Variants in KDM5C observed in about 807,000 individuals in gnomAD.
KDM5C encodes lysine demethylase 5C.
Under a neutral mutation model 110.6 loss-of-function variants are expected in KDM5C, and 16 were observed. The observed-to-expected ratio is 0.14, with a 90% CI of 0.10 to 0.22. KDM5C has a LOEUF of 0.22. Ranked by LOEUF, KDM5C falls within the 10% of genes least tolerant of loss-of-function variation. The probability of loss-of-function intolerance (pLI) is 1.00; values close to 1 mark genes in which losing one functional copy is unlikely to be tolerated. For missense variants in KDM5C, 681 were observed against 1,300.9 expected, an observed-to-expected ratio of 0.52 and a Z score of 7.33; for synonymous variants, 511 against 520.4, an observed-to-expected ratio of 0.98 and a Z score of 0.24.
rs1210725648 is a variant in KDM5C, at chrX:53,197,048, C to A, written c.2623-4G>T. The A allele has an allele frequency of 1.7e-6, 2 of 1,171,351 alleles. No homozygotes were observed. The highest frequency in any genetic ancestry group is 3.5e-5 in the African/African-American group (2 of 56,429). On this transcript the variant is annotated splice_region_variant and splice_polypyrimidine_tract_variant and intron_variant, in intron 18 of 25. Coordinates refer to ENST00000375401, the MANE Select transcript of KDM5C (RefSeq NM_004187.5). ...CCTCCACCTGTTCCAGAACACCCTA[C>A]CAGGACACAGGATGAAGAACAAACT... is the stretch of plus-strand genomic sequence containing the variant.
At chrX:53,203,267 T>C (rs1421680889) in intron 12 of KDM5C, among the ~76,000 whole-genome samples, 2 of 111,771 alleles carry the variant, frequency 1.8e-5, no homozygotes, top group Admixed American at 1.9e-4. Context: ...CTCGAGCTTA[T>C]AGGATTCTTC....
intron 19 of KDM5C, 119 bp downstream of exon 19, chrX:53,196,567 T>G (rs1485322270): frequency 8.8e-6 from 5 of 570,433 alleles, no homozygotes; most frequent in Non-Finnish European, 1.5e-5. Flanking sequence ...GAGGGGAGAG[T>G]CAATACAGTA....
At position 53,192,980 on chromosome X, in the gene KDM5C, T is replaced by C; in HGVS notation, c.4670A>G (p.Gln1557Arg). 1 of 1,169,686 alleles carries C rather than the reference T, an allele frequency of 8.5e-7. No individual in the cohort carries two copies. Among genetic ancestry groups the C allele is most frequent in the Non-Finnish European group, 1.1e-6 (1 of 874,613 alleles). ...GCTCAGCCACTGTCACAACTGTTGC[T>C]GAGGCGGCTGCTGTGGGCAGGGCAG... Reference protein sequence around the residue: ...LHLPCPQQPPQQQL With the variant: ...LHLPCPQQPPRQQL Residue 1557 changes from glutamine (Q) to arginine (R), a missense_variant, in exon 26 of 26, where the codon CAG becomes CGG. Around this residue, in one of 14 missense-constraint regions of KDM5C, gnomAD observed 115 missense variants for 120.9 expected, o/e 0.95. Coordinates refer to ENST00000375401, the MANE Select transcript of KDM5C (RefSeq NM_004187.5).
exon 26 of KDM5C, among the ~76,000 whole-genome samples, chrX:53,176,408 G>C (rs1391850396): frequency 8.9e-6 from 1 of 112,126 alleles, no homozygotes; most frequent in East Asian, 2.8e-4. Flanking sequence ...CAAGAATTAG[G>C]GAGGAGTAAG....
rs782700459 is a variant in KDM5C, at chrX:53,196,921, G to A, written c.2746C>T (p.Pro916Ser). 1.7e-6 allele frequency: 2 copies of A among 1,201,371 alleles called. No individual in the cohort carries two copies. Among genetic ancestry groups the A allele is most frequent in the African/African-American group, 1.7e-5 (1 of 57,690 alleles). The change falls in exon 19 of 26, where the codon CCT becomes TCT. Residue 916 changes from proline (P) to serine (S), a missense_variant. Pro to Ser is a moderately conservative substitution (Grantham distance 74, BLOSUM62 -1). This residue lies in a region of KDM5C where 123 missense variants were observed against 169.0 expected (regional missense o/e 0.73). Transcript: ENST00000375401. ...TGCCGCTGGAGCTGCTGGGCCTCAG[G>A]CACCTCCACCCCCAGCTGCCGCCCC... is the stretch of plus-strand genomic sequence containing the variant. ...ERGRQLGVEV[P>S]EAQQLQRQVE...
chrX:53,211,899 T>C lies in KDM5C; in HGVS notation c.1130A>G (p.Lys377Arg), dbSNP rs1556849179. Residue 377 changes from lysine (K) to arginine (R), a missense_variant, in exon 9 of 26, where the codon AAG becomes AGG. Lys to Arg is a conservative substitution (Grantham distance 26). Around this residue, in one of 14 missense-constraint regions of KDM5C, gnomAD observed 71 missense variants for 115.0 expected, o/e 0.62. Coordinates refer to ENST00000375401, the MANE Select transcript of KDM5C (RefSeq NM_004187.5). ...AAAGCCAAAGGCTTCTGGGGGCCGCTTACACTCCTGAAACCCAAAGGAGAA... is the reference window on the plus strand; with the variant it reads ...AAAGCCAAAGGCTTCTGGGGGCCGCCTACACTCCTGAAACCCAAAGGAGAA... The part of the protein sequence containing the change: ...RCPKCVMAEC[K>R]RPPEAFGFEQ... The C allele has an allele frequency of 8.3e-7, 1 of 1,210,447 alleles. No individual in the cohort carries two copies. Among genetic ancestry groups the C allele is most frequent in the Admixed American group, 2.2e-5 (1 of 45,943 alleles).
intron 25 of KDM5C, among the ~76,000 whole-genome samples, chrX:53,181,913 C>T (rs1335808190): frequency 7.3e-5 from 8 of 108,997 alleles, no homozygotes; most frequent in Non-Finnish European, 1.3e-4. Context: ...CTCAGCCTCC[C>T]GAGTAGCTGG....
In KDM5C at chrX:53,193,590, C is replaced by A. The variant is rs374419593; in HGVS notation, c.4164G>T (p.Val1388=). 6 of 1,212,142 alleles carry A rather than the reference C, an allele frequency of 4.9e-6. No homozygotes were observed. Among genetic ancestry groups the A allele is most frequent in the Non-Finnish European group, 6.7e-6 (6 of 895,555 alleles). ...CCCGGGTTGCCTCAGGCAGTTCCAA[C>A]ACAGGGCCAGTCAACTGTGGCAACA... ...SSLLPQLTGP[V]LELPEATRAP... Residue 1388 remains valine (V), a synonymous_variant, in exon 25 of 26, where the codon GTG becomes GTT. Transcript: ENST00000375401.
rs1556831951 is a variant in KDM5C, at chrX:53,192,970, C to A, written c.4680G>T (p.Leu1560Phe). Residue 1560 changes from leucine to phenylalanine, a missense_variant, in exon 26 of 26, where the codon TTG becomes TTT. This residue lies in a region of KDM5C where 115 missense variants were observed against 120.9 expected (regional missense o/e 0.95). Transcript: ENST00000375401. ...PCPQQPPQQQ[L>F] ...TCTGTGCTAGGCTCAGCCACTGTCA[C>A]AACTGTTGCTGAGGCGGCTGCTGTG... The A allele has an allele frequency of 2.6e-6, 3 of 1,166,198 alleles. No individual in the cohort carries two copies. In the Admixed American group the frequency reaches 7.4e-5, roughly 29 times the overall value.
At chrX:53,178,987 C>CA (rs1556825070) in intron 25 of KDM5C, among the ~76,000 whole-genome samples, 1 of 111,966 alleles carries the variant, frequency 8.9e-6, no homozygotes, top group Non-Finnish European at 1.9e-5. Flanking sequence ...GTAATCCCAG[C>CA]ACTTTGTAAG....
intron 25 of KDM5C, among the ~76,000 whole-genome samples, chrX:53,184,133 T>A (rs1310457806): frequency 8.9e-6 from 1 of 112,783 alleles, no homozygotes. Flanking sequence ...TTGAATTGTT[T>A]TCTTAACTTC....
chrX:53,198,679 A>G (rs1448102061), intron 16 of KDM5C, 42 bp from the exon 17 acceptor site: 1 of 1,210,048 alleles, frequency 8.3e-7, no homozygotes, highest in Non-Finnish European at 1.1e-6. Flanking sequence ...GCAGTATTGA[A>G]TAGAGGCAGA....
rs782570746 is a variant in KDM5C, at chrX:53,199,108, C to T, written c.2112G>A (p.Glu704=). The change falls in exon 15 of 26, where the codon GAG becomes GAA. Residue 704 remains glutamate, a synonymous_variant. Coordinates refer to ENST00000375401, the MANE Select transcript of KDM5C (RefSeq NM_004187.5). ...TAGTCTTGCACTTGATACACTGGCG[C>T]TCATCATCTGGGAGCAGCTCGAAAG... is the stretch of plus-strand genomic sequence containing the variant. The part of the protein sequence containing the change: ...REAFELLPDD[E]RQCIKCKTTC... The T allele has an allele frequency of 1.9e-5, 23 of 1,212,049 alleles. No individual in the cohort carries two copies. In the Admixed American group the frequency reaches 5.0e-4, roughly 26 times the overall value.
intron 2 of KDM5C, among the ~76,000 whole-genome samples, chrX:53,220,501 T>TATC (rs1280911729): frequency 3.6e-5 from 4 of 112,156 alleles, no homozygotes; most frequent in African/African-American, 1.3e-4. Context: ...GAAGAAGGGG[T>TATC]ATCAGCCAGT....
rs781897103 is a variant in KDM5C, at chrX:53,196,799, C to T, written c.2868G>A (p.Ala956=). Residue 956 remains alanine, a synonymous_variant, in exon 19 of 26, where the codon GCG becomes GCA. Coordinates refer to ENST00000375401, the MANE Select transcript of KDM5C (RefSeq NM_004187.5). ...CAGGGCTAGGGGCTACACTGGCACC[C>T]GCGACCAACAGTCCTCGCATGACAG... The part of the protein sequence containing the change: ...TLAVMRGLLV[A]GASVAPSPAV... 5 of 1,210,943 alleles carry T rather than the reference C, an allele frequency of 4.1e-6. No homozygotes were observed. The highest frequency in any genetic ancestry group is 1.1e-6 in the Non-Finnish European group (1 of 895,134).
In KDM5C at chrX:53,210,891, G is replaced by A. The variant is rs1300642606; in HGVS notation, c.1402-34C>T. The A allele has an allele frequency of 2.1e-5, 24 of 1,148,777 alleles. No homozygotes were observed. In the Admixed American group the frequency reaches 3.1e-4, roughly 15 times the overall value. The allele number at this position is 1,148,777 out of a possible 1,213,427, so 94.7% of individuals were successfully genotyped here. Reference sequence around the variant, plus strand: ...TCAGGTATTTGTAAAAAGGGCATGAGGGTTATGCTAAGGAACTGAGATCTT... The same window carrying A: ...TCAGGTATTTGTAAAAAGGGCATGAAGGTTATGCTAAGGAACTGAGATCTT... On this transcript the variant is annotated intron_variant, in intron 10 of 25. Coordinates refer to ENST00000375401, the MANE Select transcript of KDM5C (RefSeq NM_004187.5).
chrX:53,194,868 C>T (rs1396722929), intron 22 of KDM5C, 63 bp downstream of exon 22: 8 of 1,195,570 alleles, frequency 6.7e-6, no homozygotes, highest in South Asian at 1.8e-5. Context: ...TGCTCATGGC[C>T]ACCCAGCTCA....
chrX:53,180,324 A>T (rs939300405), intron 25 of KDM5C, among the ~76,000 whole-genome samples: 4 of 111,502 alleles, frequency 3.6e-5, no homozygotes, highest in Non-Finnish European at 7.5e-5. Flanking sequence ...GGGCAATGAA[A>T]CTACTCTGTA....
intron 25 of KDM5C, among the ~76,000 whole-genome samples, chrX:53,183,575 C>CTTTTTTT (rs782536051): frequency 1.1e-5 from 1 of 90,971 alleles, no homozygotes; most frequent in Non-Finnish European, 2.2e-5. Flanking sequence ...TTTTTTTTTT[C>CTTTTTTT]TTTTTTTTTT....
Sources: gnomAD v4.1 joint callset for allele counts (sites outside exome capture counted in the v4.1 genomes callset) on GRCh38, gnomAD v4.1.1 for gene constraint, gnomAD v4.1.1 regional missense constraint, MANE v1.5 for transcripts, NCBI Gene and HGNC (gene_info 2026-07-23, HGNC 2026-07-21) for gene names.